Variants in DST observed in about 807,000 individuals in gnomAD.
DST encodes dystonin.
A neutral mutation model predicts 875.2 loss-of-function variants in DST; 253 were observed. The observed-to-expected ratio is 0.29, with a 90% CI of 0.26 to 0.32. The LOEUF (loss-of-function observed/expected upper bound fraction) is 0.32, where lower values mean the gene tolerates loss of function less well. DST is among the 10% of genes least tolerant of loss of function. The pLI, the probability that DST is intolerant of heterozygous loss-of-function variation, is 1.00. For synonymous variants in DST, 3,124 were observed against 3,197.1 expected, an observed-to-expected ratio of 0.98 and a Z score of 0.77; for missense variants, 8,287 against 9,111.6, an observed-to-expected ratio of 0.91 and a Z score of 3.68.
At position 56,780,286 on chromosome 6, in the gene DST, C is replaced by T. The variant is rs563086565; in HGVS notation, c.626-44997G>A. Reference sequence around the variant, plus strand: ...AAATGGTATTTCTAGTTCTAGATCCCTGAGGAATCGCCACACTGTCTTCCA... The same window carrying T: ...AAATGGTATTTCTAGTTCTAGATCCTTGAGGAATCGCCACACTGTCTTCCA... On this transcript the variant is annotated intron_variant, in intron 4 of 103. Coordinates refer to ENST00000680361, the MANE Select transcript of DST (RefSeq NM_001374736.1). Among the ~76,000 whole-genome samples, 369 of 152,060 alleles carry T rather than the reference C, an allele frequency of 2.4e-3. 5 individuals carry two copies. The highest frequency in any genetic ancestry group is 8.1e-3 in the African/African-American group (336 of 41,378).
In DST at chr6:56,635,663, C is replaced by T. The variant is rs74337040; in HGVS notation, c.3112G>A (p.Ala1038Thr). ...ATDYLRNLKD[A>T]IQRKYSCDRS... is the part of the protein sequence containing the mutation. The stretch of plus-strand genomic sequence containing the variant: ...TCACAGCTGTACTTCCGCTGAATGG[C>T]ATCTTTTAGATTCCTTAAGTAATCA... The change falls in exon 24 of 104, where the codon GCC becomes ACC. Residue 1038 changes from alanine (A) to threonine (T), a missense_variant. By Grantham distance (58) the Ala-to-Thr change is moderately conservative. Transcript: ENST00000680361. 2.5e-6 allele frequency: 4 copies of T among 1,613,794 alleles called. No homozygotes were observed. The Admixed American group carries it at 6.7e-5, about 27-fold the overall frequency.
chr6:56,715,463 G>A (rs781144702), intron 5 of DST, among the ~76,000 whole-genome samples: 2 of 152,176 alleles, frequency 1.3e-5, no homozygotes, highest in Non-Finnish European at 2.9e-5. Flanking sequence ...GAAATTGGAA[G>A]TCTTTAGAAG....
intron 61 of DST, among the ~76,000 whole-genome samples, chr6:56,539,189 T>G (rs2097074620): frequency 6.6e-6 from 1 of 152,188 alleles, no homozygotes. Flanking sequence ...TAAATTAATT[T>G]CAGGGGTTTA....
Position 56,701,785 on chromosome 6 carries a change from C to T in DST, c.954+103G>A, listed in dbSNP as rs1459402284. Reference sequence around the variant, plus strand: ...CACCAAAGCACAAGCTTACTGGTTACAATTCACAGGCAAATTTAACCTTGT... The same window carrying T: ...CACCAAAGCACAAGCTTACTGGTTATAATTCACAGGCAAATTTAACCTTGT... On this transcript the variant is annotated intron_variant, in intron 8 of 103. Transcript: ENST00000680361. 1.6e-5 allele frequency: 11 copies of T among 694,776 alleles called. 1 individual carries two copies. Among genetic ancestry groups the T allele is most frequent in the Middle Eastern group, 7.7e-4 (2 of 2,604 alleles). 43.0% of individuals were successfully genotyped at this position (694,776 alleles called of 1,614,324 possible).
At chr6:56,893,113 T>C (rs1788403181) in intron 3 of DST, among the ~76,000 whole-genome samples, 1 of 152,226 alleles carries the variant, frequency 6.6e-6, no homozygotes, top group Non-Finnish European at 1.5e-5. Flanking sequence ...ACCCAAGCAG[T>C]ATACATTGTA....
At chr6:56,586,827 C>G (rs530346934) in intron 49 of DST, among the ~76,000 whole-genome samples, 1 of 152,184 alleles carries the variant, frequency 6.6e-6, no homozygotes, top group Non-Finnish European at 1.5e-5. Context: ...CTAGCAAACT[C>G]CAACAGACCT....
intron 3 of DST, among the ~76,000 whole-genome samples, chr6:56,854,468 A>G (rs372006973): frequency 7.2e-5 from 11 of 152,136 alleles, no homozygotes; most frequent in Admixed American, 3.3e-4. Flanking sequence ...ATATAGTTAT[A>G]TGGATACCAT....
intron 69 of DST, among the ~76,000 whole-genome samples, chr6:56,525,540 C>G (rs2096782162): frequency 6.6e-6 from 1 of 152,200 alleles, no homozygotes; most frequent in African/African-American, 2.4e-5. Context: ...CCCACAGAAT[C>G]AGCTTGATTT....
In DST at chr6:56,903,156, A is replaced by T. The variant is rs539471394; in HGVS notation, c.217-2535T>A. On this transcript the variant is annotated intron_variant, in intron 2 of 103. Coordinates refer to ENST00000680361, the MANE Select transcript of DST (RefSeq NM_001374736.1). ...TATTTGATGATATAGTAGCTTCTGTAATAGTGGAGTAAGTTCAGTACATTT... is the reference window on the plus strand; with the variant it reads ...TATTTGATGATATAGTAGCTTCTGTTATAGTGGAGTAAGTTCAGTACATTT... Among the ~76,000 whole-genome samples the T allele has an allele frequency of 4.1e-4, 62 of 152,290 alleles. No individual in the cohort carries two copies. The South Asian group carries it at 0.013, about 31-fold the overall frequency.
chr6:56,639,484 T>G lies in DST; in HGVS notation c.2825A>C (p.Asn942Thr). 1 of 1,613,862 alleles carries G rather than the reference T, an allele frequency of 6.2e-7. No individual in the cohort carries two copies. Among genetic ancestry groups the G allele is most frequent in the Non-Finnish European group, 8.5e-7 (1 of 1,179,886 alleles). Residue 942 changes from asparagine (N) to threonine (T), a missense_variant, in exon 21 of 104, where the codon AAC becomes ACC. Asn to Thr is a moderately conservative substitution (Grantham distance 65). Around this residue, in one of 10 missense-constraint regions of DST, gnomAD observed 1,160 missense variants for 1,424.3 expected, o/e 0.81. Coordinates refer to ENST00000680361, the MANE Select transcript of DST (RefSeq NM_001374736.1). The stretch of plus-strand genomic sequence containing the variant: ...ATCTTTTTTCCTAGCTATGTTGGTG[T>G]TTCTCTCACTCCAGTCATAAGCAAC... ...EEVAYDWSER[N>T]TNIARKKDYH...
chr6:56,573,388 C>T (rs1030560519), intron 51 of DST, among the ~76,000 whole-genome samples: 1 of 152,302 alleles, frequency 6.6e-6, no homozygotes, highest in Admixed American at 6.5e-5. Context: ...TCTGATTAAC[C>T]TCATGTGCAG....
At chr6:56,492,101 C>T (rs1161115375) in intron 85 of DST, 126 bp downstream of exon 85, 3 of 886,988 alleles carry the variant, frequency 3.4e-6, no homozygotes, top group Non-Finnish European at 5.1e-6. Flanking sequence ...AAAGAACCAC[C>T]ATGGCACCAT....
intron 72 of DST, among the ~76,000 whole-genome samples, chr6:56,515,073 C>T (rs1029407678): frequency 9.2e-5 from 14 of 152,130 alleles, no homozygotes; most frequent in Non-Finnish European, 1.6e-4. Context: ...ATGGTTCTCC[C>T]ATATATTTCC....
At chr6:56,466,277 A>C in intron 98 of DST, 82 bp from the exon 99 acceptor site, 1 of 916,116 alleles carries the variant, frequency 1.1e-6, no homozygotes, top group Non-Finnish European at 1.6e-6. Context: ...GCAGTAGCTA[A>C]AGCAACCGAC....
At chr6:56,909,243 A>T (rs1332612673) in intron 2 of DST, among the ~76,000 whole-genome samples, 1 of 152,166 alleles carries the variant, frequency 6.6e-6, no homozygotes, top group African/African-American at 2.4e-5. Flanking sequence ...TCTGTCTTTT[A>T]TCCATGTTTG....
chr6:56,570,591 T>C (rs1039144244), intron 53 of DST, among the ~76,000 whole-genome samples: 4 of 152,128 alleles, frequency 2.6e-5, no homozygotes, highest in African/African-American at 9.7e-5. Context: ...TAAATACAGA[T>C]GAAGCTTTGC....
At chr6:56,542,399 A>G (rs1483218885) in intron 61 of DST, 1 of 149,556 alleles carries the variant, frequency 6.7e-6, no homozygotes, top group East Asian at 2.0e-4. Context: ...TAAAGTAAAC[A>G]GAAAGCATGG....
At chr6:56,616,040 G>A in intron 36 of DST, 1 of 1,614,218 alleles carries the variant, frequency 6.2e-7, no homozygotes, top group Non-Finnish European at 8.5e-7. Context: ...GCATCGGAGG[G>A]CAGTAATCCG....
chr6:56,907,929 G>T (rs1797124733), intron 2 of DST, among the ~76,000 whole-genome samples: 1 of 152,134 alleles, frequency 6.6e-6, no homozygotes, highest in African/African-American at 2.4e-5. Context: ...CACCAGCCGG[G>T]CGTGGTGGCA....
Sources: allele counts gnomAD v4.1 joint callset (sites outside exome capture counted in the v4.1 genomes callset), GRCh38; gene constraint gnomAD v4.1.1; regional missense constraint gnomAD v4.1.1; transcripts MANE v1.5; gene names NCBI Gene and HGNC (gene_info 2026-07-23, HGNC 2026-07-21).